The following RPA1 variants were observed in gnomAD, a reference collection of about 807,000 sequenced individuals.
The protein encoded by RPA1 is replication protein A 70 kDa DNA-binding subunit.
A neutral mutation model predicts 83.0 loss-of-function variants in RPA1; 49 were observed. That is an observed-to-expected ratio of 0.59 (90% confidence interval 0.47 to 0.75). RPA1 has a LOEUF of 0.75. Among genes scored for constraint, RPA1 ranks in the 30% least tolerant of loss-of-function variants. RPA1 has a pLI of 0.00. For missense variants in RPA1, 693 were observed against 776.1 expected, an observed-to-expected ratio of 0.89 and a Z score of 1.27; for synonymous variants, 279 against 281.8, an observed-to-expected ratio of 0.99 and a Z score of 0.10.
In RPA1 at chr17:1,886,961, C is replaced by T. The variant is rs137921675; in HGVS notation, c.1375-1714C>T. ...AGGTGTGAGCCACTGCACCTGGCCT[C>T]TTCTGCAGCTTCCTGACCTCTCTCA... On this transcript the variant is annotated intron_variant, in intron 13 of 16. Transcript: ENST00000254719. 3.6e-4 allele frequency among the ~76,000 whole-genome samples: 55 copies of T among 152,182 alleles called. No individual in the cohort carries two copies. In the East Asian group the frequency reaches 9.9e-3, roughly 27 times the overall value.
intron 5 of RPA1, among the ~76,000 whole-genome samples, chr17:1,858,983 A>G (rs1006341011): frequency 1.3e-5 from 2 of 150,434 alleles, no homozygotes; most frequent in Non-Finnish European, 3.0e-5. Context: ...GCTCACTGCA[A>G]TCTCCACCTC....
intron 15 of RPA1, 47 bp downstream of exon 15, chr17:1,891,987 C>A: frequency 1.6e-6 from 2 of 1,287,452 alleles, no homozygotes; most frequent in Non-Finnish European, 2.2e-6. Context: ...TAATGGTTCT[C>A]ATTCTATAAC....
chr17:1,847,881 G>A (rs760575523), intron 4 of RPA1, among the ~76,000 whole-genome samples: 22 of 152,060 alleles, frequency 1.4e-4, no homozygotes, highest in Admixed American at 9.8e-4. Context: ...TTAGCTGGGC[G>A]TGGTGGCGGG....
At chr17:1,846,176 A>G (rs1402478116) in intron 4 of RPA1, among the ~76,000 whole-genome samples, 1 of 152,034 alleles carries the variant, frequency 6.6e-6, no homozygotes, top group African/African-American at 2.4e-5. Context: ...TTATGCTAGA[A>G]TGACCACTTG....
At position 1,862,182 on chromosome 17, in the gene RPA1, GC is replaced by G. The variant is rs772919267; in HGVS notation, c.361+8998del. 1.4e-3 allele frequency among the ~76,000 whole-genome samples: 194 copies of G among 141,430 alleles called. 1 individual carries two copies. The highest frequency in any genetic ancestry group is 2.2e-3 in the Non-Finnish European group (148 of 66,128). The allele number at this position is 141,430 out of a possible 152,430, so 92.8% of individuals were successfully genotyped here. A position where few individuals can be genotyped will look rare whatever the true frequency, so the allele number is the denominator to read the frequency against. ...GCTGGGATTACAGGCGTGAGCCACC[GC>G]CCCCAACCGTATTTTTTTTTTTTTT... On this transcript the variant is annotated intron_variant, in intron 5 of 16. Transcript: ENST00000254719.
chr17:1,892,662 C>T (rs752717093), intron 15 of RPA1, among the ~76,000 whole-genome samples: 8 of 152,118 alleles, frequency 5.3e-5, no homozygotes, highest in East Asian at 3.8e-4. Flanking sequence ...TTAAAATGCA[C>T]GTATGTCAAG....
At chr17:1,877,153 C>G in intron 7 of RPA1, 59 bp from the exon 8 acceptor site, 1 of 1,485,648 alleles carries the variant, frequency 6.7e-7, no homozygotes, top group South Asian at 1.1e-5. Context: ...AAGATGATTT[C>G]TTACTTGATC....
At chr17:1,850,478 A>G (rs566345001) in intron 4 of RPA1, among the ~76,000 whole-genome samples, 2 of 151,802 alleles carry the variant, frequency 1.3e-5, no homozygotes, top group South Asian at 4.2e-4. Context: ...CGGAGGTTGC[A>G]GTGAGTTGAG....
intron 15 of RPA1, among the ~76,000 whole-genome samples, chr17:1,892,209 G>T (rs888037588): frequency 6.6e-6 from 1 of 152,170 alleles, no homozygotes; most frequent in African/African-American, 2.4e-5. Flanking sequence ...GTTTTACCAT[G>T]TTGGCCAGGC....
At chr17:1,847,387 T>C (rs550799032) in intron 4 of RPA1, among the ~76,000 whole-genome samples, 3 of 152,312 alleles carry the variant, frequency 2.0e-5, no homozygotes, top group African/African-American at 4.8e-5. Context: ...TGGGATTGAG[T>C]GCAGTCCTTG....
intron 5 of RPA1, chr17:1,854,166 A>G (rs761768162): frequency 2.0e-5 from 3 of 152,236 alleles, no homozygotes; most frequent in Non-Finnish European, 4.4e-5. Flanking sequence ...ATTACTTCAG[A>G]CAATTCTAGA....
At chr17:1,887,093 C>G (rs1914021116) in intron 13 of RPA1, among the ~76,000 whole-genome samples, 1 of 152,150 alleles carries the variant, frequency 6.6e-6, no homozygotes, top group Non-Finnish European at 1.5e-5. Flanking sequence ...ACAGCTTACT[C>G]CATATCAGCA....
intron 12 of RPA1, among the ~76,000 whole-genome samples, chr17:1,882,974 A>C (rs1016928196): frequency 6.6e-6 from 1 of 152,130 alleles, no homozygotes; most frequent in Non-Finnish European, 1.5e-5. Flanking sequence ...TCTCTTCACC[A>C]CTGGGGGGCA....
At chr17:1,871,762 C>T (rs529095990) in intron 5 of RPA1, among the ~76,000 whole-genome samples, 108 of 152,210 alleles carry the variant, frequency 7.1e-4, no homozygotes, top group African/African-American at 2.5e-3. Flanking sequence ...GCTCATTTCC[C>T]CCCCTTTACT....
chr17:1,858,800 T>C lies in RPA1; in HGVS notation c.361+5611T>C, dbSNP rs369928444. Among the ~76,000 whole-genome samples the C allele has an allele frequency of 1.1e-4, 16 of 152,240 alleles. No homozygotes were observed. The South Asian group carries it at 1.7e-3, about 16-fold the overall frequency. ...TTTTCTAGAGATCTTGTTCTTGATATCTAATTTAATTCTAGTATGATCAAA... is the reference window on the plus strand; with the variant it reads ...TTTTCTAGAGATCTTGTTCTTGATACCTAATTTAATTCTAGTATGATCAAA... On this transcript the variant is annotated intron_variant, in intron 5 of 16. Coordinates refer to ENST00000254719, the MANE Select transcript of RPA1 (RefSeq NM_002945.5).
At chr17:1,841,101 G>A (rs1912031284) in intron 1 of RPA1, among the ~76,000 whole-genome samples, 1 of 152,112 alleles carries the variant, frequency 6.6e-6, no homozygotes, top group South Asian at 2.1e-4. Context: ...TCTTTTGATG[G>A]TGTTTAAGTG....
rs752248502 is a variant in RPA1, at chr17:1,855,363, G to GTGTGTT, written c.361+2177_361+2178insGTTTGT. On this transcript the variant is annotated intron_variant, in intron 5 of 16. Transcript: ENST00000254719. ...TGTGTGTGTGTGTGTGTGTGTGTGT[G>GTGTGTT]TGTTTAGTAGAGACAGGGTTTTGCC... Among the ~76,000 whole-genome samples the GTGTGTT allele has an allele frequency of 2.0e-3, 235 of 120,158 alleles. 1 individual carries two copies. Among genetic ancestry groups the GTGTGTT allele is most frequent in the African/African-American group, 6.1e-3 (206 of 33,898 alleles). 78.8% of individuals were successfully genotyped at this position (120,158 alleles called of 152,430 possible).
intron 8 of RPA1, among the ~76,000 whole-genome samples, chr17:1,878,595 G>A (rs7208137): frequency 0.22 from 33,098 of 152,126 alleles, 3,721 homozygotes; most frequent in Admixed American, 0.25. Flanking sequence ...ACTGTGGAGG[G>A]AGCCGGTGAA....
chr17:1,897,435 C>T lies in RPA1; in HGVS notation c.*260C>T, dbSNP rs1312945972. 1 of 370,720 alleles carries T rather than the reference C, an allele frequency of 2.7e-6. No individual in the cohort carries two copies. The highest frequency in any genetic ancestry group is 4.9e-6 in the Non-Finnish European group (1 of 205,478). The allele number at this position is 370,720 out of a possible 1,614,324, so 23.0% of individuals were successfully genotyped here. A position where few individuals can be genotyped will look rare whatever the true frequency, so the allele number is the denominator to read the frequency against. On this transcript the variant is annotated 3_prime_UTR_variant, in exon 17 of 17. Coordinates refer to ENST00000254719, the MANE Select transcript of RPA1 (RefSeq NM_002945.5). ...CAAGACCAGTCACTCCCTCTGCCTT[C>T]AGGCTTCTGTCAATTTCATTATCAT...
Sources: gnomAD v4.1 joint callset for allele counts (sites outside exome capture counted in the v4.1 genomes callset) on GRCh38, gnomAD v4.1.1 for gene constraint, MANE v1.5 for transcripts, NCBI Gene and HGNC (gene_info 2026-07-23, HGNC 2026-07-21) for gene names.